The following ATP7A variants were observed in gnomAD, a reference collection of about 807,000 sequenced individuals.
ATP7A encodes copper-transporting ATPase 1.
In ATP7A, 7 loss-of-function variants were observed where a neutral mutation model predicts 83.5. The ratio of observed to expected loss-of-function variants is 0.08; its 90% CI spans 0.05 to 0.16. The LOEUF is 0.16. Ranked by LOEUF, ATP7A falls within the 10% of genes least tolerant of loss-of-function variation. The pLI is 1.00. For missense variants in ATP7A, 940 were observed against 1,120.8 expected (o/e 0.84, Z 2.30); for synonymous variants, 354 against 395.2 (o/e 0.90, Z 1.24).
Position 78,046,557 on chromosome X carries a change from A to G in ATP7A, c.4490A>G (p.Asp1497Gly), listed in dbSNP as rs1557239152. ...GTGGGAGACTTCAGGGAAGATGATG[A>G]CACTGCATTATAAAAGGCCATGGAG... Reference protein sequence around the residue: ...LLVGDFREDDDTAL With the variant: ...LLVGDFREDDGTAL Residue 1497 changes from aspartate (D) to glycine (G), a missense_variant, in exon 23 of 23, where the codon GAC becomes GGC. Physicochemically the swap from Asp to Gly is moderately conservative, Grantham distance 94. Around this residue, in one of 3 missense-constraint regions of ATP7A, gnomAD observed 386 missense variants for 502.2 expected, o/e 0.77. Coordinates refer to ENST00000341514, the MANE Select transcript of ATP7A (RefSeq NM_000052.7). 8.3e-7 allele frequency: 1 copy of G among 1,211,721 alleles called. No homozygotes were observed. Among genetic ancestry groups the G allele is most frequent in the Non-Finnish European group, 1.1e-6 (1 of 895,524 alleles).
intron 1 of ATP7A, among the ~76,000 whole-genome samples, chrX:77,944,662 C>A (rs1296889450): frequency 9.2e-6 from 1 of 108,708 alleles, no homozygotes; most frequent in African/African-American, 3.4e-5. Context: ...ATCTTGAATG[C>A]CAATCCTCTA....
intron 7 of ATP7A, 76 bp downstream of exon 7, chrX:78,009,339 T>G: frequency 9.4e-7 from 1 of 1,068,765 alleles, no homozygotes; most frequent in Non-Finnish European, 1.3e-6. Flanking sequence ...CTGGTTTGCA[T>G]CAGATAGAGG....
At chrX:78,024,955 G>A (rs1557236181) in intron 14 of ATP7A, among the ~76,000 whole-genome samples, 1 of 111,261 alleles carries the variant, frequency 9.0e-6, no homozygotes, top group Non-Finnish European at 1.9e-5. Flanking sequence ...TGTGTATCCT[G>A]AACTGCATCA....
chrX:78,005,622 G>A (rs1444204033), intron 6 of ATP7A, among the ~76,000 whole-genome samples: 1 of 90,478 alleles, frequency 1.1e-5, no homozygotes, highest in African/African-American at 4.2e-5. Flanking sequence ...GGTGGAGGTT[G>A]TAGTGAGCCA....
intron 9 of ATP7A, 123 bp from the exon 10 acceptor site, chrX:78,012,756 C>T (rs1402808739): frequency 1.7e-6 from 1 of 605,246 alleles, no homozygotes; most frequent in East Asian, 3.4e-5. Flanking sequence ...CTTAATCTCC[C>T]TTTAGTGTTT....
intron 1 of ATP7A, among the ~76,000 whole-genome samples, chrX:77,939,592 A>C (rs1174864086): frequency 9.0e-6 from 1 of 110,933 alleles, no homozygotes; most frequent in Non-Finnish European, 1.9e-5. Context: ...ACAGATATAC[A>C]TTTACATTAA....
intron 17 of ATP7A, among the ~76,000 whole-genome samples, chrX:78,036,268 G>C (rs1163067159): frequency 2.7e-5 from 3 of 111,098 alleles, no homozygotes; most frequent in Non-Finnish European, 3.8e-5. Flanking sequence ...AGTGGGTTCT[G>C]TTTCATATAG....
At chrX:77,960,106 C>A (rs1405112105) in intron 1 of ATP7A, among the ~76,000 whole-genome samples, 2 of 112,384 alleles carry the variant, frequency 1.8e-5, no homozygotes, top group Non-Finnish European at 3.8e-5. Context: ...TAAGGCTGGG[C>A]GTGGTGGCTC....
Position 77,989,578 on chromosome X carries a change from T to C in ATP7A, c.956T>C (p.Val319Ala), listed in dbSNP as rs782054374. The change falls in exon 4 of 23, where the codon GTG becomes GCG. Residue 319 changes from valine (V) to alanine (A), a missense_variant. Physicochemically the swap from Val to Ala is moderately conservative, Grantham distance 64. Coordinates refer to ENST00000341514, the MANE Select transcript of ATP7A (RefSeq NM_000052.7). The stretch of plus-strand genomic sequence containing the variant: ...TCTTTAGAGAATAGGTCTGCCATTG[T>C]GAAGTATAATGCAAGCTCAGTCACT... Reference protein sequence around the residue: ...VVSLENRSAIVKYNASSVTPE... With the variant: ...VVSLENRSAIAKYNASSVTPE... 1 of 1,211,694 alleles carries C rather than the reference T, an allele frequency of 8.3e-7. No individual in the cohort carries two copies.
intron 18 of ATP7A, among the ~76,000 whole-genome samples, 166 bp from the exon 19 acceptor site, chrX:78,040,425 A>C (rs1225471617): frequency 8.9e-6 from 1 of 111,812 alleles, no homozygotes; most frequent in Non-Finnish European, 1.9e-5. Context: ...CTTGTTACAG[A>C]GTTTGTAGTA....
chrX:77,938,521 G>C lies in ATP7A; in HGVS notation c.-22+27686G>C, dbSNP rs1441043456. ...AACCATCAGATGCCATACCACCCTT[G>C]TGAAACAGTCTGCTAGAACTAGACA... On this transcript the variant is annotated intron_variant, in intron 1 of 22. Coordinates refer to ENST00000341514, the MANE Select transcript of ATP7A (RefSeq NM_000052.7). Among the ~76,000 whole-genome samples the C allele has an allele frequency of 2.7e-5, 3 of 112,249 alleles. No homozygotes were observed. The Admixed American group carries it at 2.8e-4, about 11-fold the overall frequency.
At position 78,003,150 on chromosome X, in the gene ATP7A, A is replaced by G. The variant is rs1557233382; in HGVS notation, c.1621A>G (p.Met541Val). 1 of 1,208,648 alleles carries G rather than the reference A, an allele frequency of 8.3e-7. No homozygotes were observed. The highest frequency in any genetic ancestry group is 1.1e-6 in the Non-Finnish European group (1 of 892,665). The stretch of plus-strand genomic sequence containing the variant: ...TAATCCTGCTGTTATACAACCCCCA[A>G]TGATAGCAGAGTTCATCCGAGAACT... ...RYNPAVIQPPMIAEFIRELGF... is the reference protein window; with the variant it reads ...RYNPAVIQPPVIAEFIRELGF... The change falls in exon 6 of 23, where the codon ATG becomes GTG. Residue 541 changes from methionine to valine, a missense_variant. Around this residue, in one of 3 missense-constraint regions of ATP7A, gnomAD observed 350 missense variants for 432.8 expected, o/e 0.81. Transcript: ENST00000341514.
intron 22 of ATP7A, 63 bp from the exon 23 acceptor site, chrX:78,046,231 A>C (rs1366014590): frequency 1.8e-6 from 2 of 1,138,996 alleles, no homozygotes; most frequent in Non-Finnish European, 1.2e-6. Flanking sequence ...TCTTTTCTGC[A>C]TGTAGCGAGC....
Position 78,038,901 on chromosome X carries a change from C to T in ATP7A, c.3577C>T (p.Leu1193Phe), listed in dbSNP as rs782488141. ...GNREWMIRNG[L>F]VINNDVNDFM... The stretch of plus-strand genomic sequence containing the variant: ...CCGGGAGTGGATGATTAGAAATGGT[C>T]TTGTCATTAATAACGATGTAAATGA... Residue 1193 changes from leucine to phenylalanine, a missense_variant, in exon 18 of 23, where the codon CTT becomes TTT. Physicochemically the swap from Leu to Phe is conservative, Grantham distance 22. This residue lies in a region of ATP7A where 386 missense variants were observed against 502.2 expected (regional missense o/e 0.77). Transcript: ENST00000341514. 8.3e-7 allele frequency: 1 copy of T among 1,210,044 alleles called. No homozygotes were observed. Among genetic ancestry groups the T allele is most frequent in the South Asian group, 1.8e-5 (1 of 56,992 alleles).
At chrX:77,939,116 C>A (rs782818045) in intron 1 of ATP7A, among the ~76,000 whole-genome samples, 29 of 110,943 alleles carry the variant, frequency 2.6e-4, no homozygotes, top group Non-Finnish European at 4.9e-4. Context: ...GCCAACATGG[C>A]AAAACCCTGT....
At chrX:78,004,630 C>T (rs1557233548) in intron 6 of ATP7A, among the ~76,000 whole-genome samples, 1 of 111,116 alleles carries the variant, frequency 9.0e-6, no homozygotes. Context: ...CGCCTGTAAT[C>T]CCAGCACTTT....
At chrX:78,002,044 G>T (rs1172204686) in intron 5 of ATP7A, among the ~76,000 whole-genome samples, 1 of 106,535 alleles carries the variant, frequency 9.4e-6, no homozygotes, top group Non-Finnish European at 1.9e-5. Context: ...CTACAATTAT[G>T]ATTTCATAAG....
At chrX:77,973,239 A>G (rs1243418926) in intron 2 of ATP7A, among the ~76,000 whole-genome samples, 1 of 112,279 alleles carries the variant, frequency 8.9e-6, no homozygotes, top group African/African-American at 3.2e-5. Context: ...CAGTTTTATT[A>G]GAACACAGCC....
At chrX:78,010,363 A>G (rs1476921964) in intron 7 of ATP7A, among the ~76,000 whole-genome samples, 1 of 111,800 alleles carries the variant, frequency 8.9e-6, no homozygotes, top group Non-Finnish European at 1.9e-5. Context: ...ACTGCCAACA[A>G]ATGTAAGATG....
Sources: allele counts gnomAD v4.1 joint callset (sites outside exome capture counted in the v4.1 genomes callset), GRCh38; gene constraint gnomAD v4.1.1; regional missense constraint gnomAD v4.1.1; transcripts MANE v1.5; gene names NCBI Gene and HGNC (gene_info 2026-07-23, HGNC 2026-07-21).